The following SLC35D1 variants were observed in gnomAD, a reference collection of about 807,000 sequenced individuals.
SLC35D1 encodes nucleotide sugar transporter SLC35D1.
Under a neutral mutation model 46.7 loss-of-function variants are expected in SLC35D1, and 31 were observed. The observed-to-expected ratio is 0.66, with a 90% CI of 0.50 to 0.90. The LOEUF (loss-of-function observed/expected upper bound fraction) is 0.90, where lower values mean the gene tolerates loss of function less well. Ranked by LOEUF, SLC35D1 falls within the 40% of genes least tolerant of loss-of-function variation. The pLI is 0.00. For synonymous variants in SLC35D1, 195 were observed against 164.6 expected (o/e 1.18, Z -1.41); for missense variants, 397 against 426.2 (o/e 0.93, Z 0.60).
At chr1:67,013,679 C>CA (rs1162549880) in intron 10 of SLC35D1, among the ~76,000 whole-genome samples, 3 of 151,904 alleles carry the variant, frequency 2.0e-5, no homozygotes, top group Non-Finnish European at 2.9e-5. Flanking sequence ...TTAAGAAACA[C>CA]AAAAAAAGGT....
chr1:67,040,685 AT>A, intron 8 of SLC35D1, among the ~76,000 whole-genome samples: 1 of 152,288 alleles, frequency 6.6e-6, no homozygotes, highest in Admixed American at 6.5e-5. Context: ...CATTTAAAAA[AT>A]GCTAAGCACT....
the SLC35D1 span, among the ~76,000 whole-genome samples, chr1:66,978,349 A>ATT: frequency 6.6e-6 from 1 of 152,274 alleles, no homozygotes; most frequent in Non-Finnish European, 1.5e-5. Flanking sequence ...CCACAGTAAA[A>ATT]CAATCTGAAA....
intron 8 of SLC35D1, among the ~76,000 whole-genome samples, chr1:67,025,297 A>G (rs1667894445): frequency 6.6e-6 from 1 of 152,202 alleles, no homozygotes; most frequent in Admixed American, 6.5e-5. Context: ...TATTTTGCAT[A>G]CAGATGTCAA....
the SLC35D1 span, among the ~76,000 whole-genome samples, chr1:66,984,091 C>T: frequency 6.6e-6 from 1 of 152,176 alleles, no homozygotes; most frequent in Non-Finnish European, 1.5e-5. Context: ...TGACATCTTG[C>T]TTTTATATGG....
the SLC35D1 span, chr1:66,986,323 A>G: frequency 6.5e-7 from 1 of 1,539,274 alleles, no homozygotes; most frequent in Non-Finnish European, 8.7e-7. Context: ...TTGTTAAATA[A>G]TGTAGTTTTA....
chr1:67,040,679 T>C (rs966008510), intron 8 of SLC35D1, among the ~76,000 whole-genome samples: 1 of 152,190 alleles, frequency 6.6e-6, no homozygotes, highest in African/African-American at 2.4e-5. Flanking sequence ...TTTGCCCATT[T>C]AAAAAATGCT....
chr1:67,032,264 C>T (rs1337102397), intron 8 of SLC35D1, among the ~76,000 whole-genome samples: 1 of 152,136 alleles, frequency 6.6e-6, no homozygotes, highest in East Asian at 1.9e-4. Context: ...ATGGACCTAC[C>T]ACTACCTATA....
the SLC35D1 span, chr1:66,973,098 AAT>A: frequency 1.6e-6 from 1 of 611,522 alleles, no homozygotes. Context: ...TTTCATAATT[AAT>A]ATGACAATAT....
At chr1:66,981,189 C>T in the SLC35D1 span, among the ~76,000 whole-genome samples, 1 of 152,092 alleles carries the variant, frequency 6.6e-6, no homozygotes, top group Non-Finnish European at 1.5e-5. Flanking sequence ...ACCACAGTTA[C>T]GTAGTTCAGG....
chr1:66,988,154 C>T, the SLC35D1 span: 1 of 152,070 alleles, frequency 6.6e-6, no homozygotes, highest in East Asian at 1.9e-4. Flanking sequence ...GTAAGGTTTT[C>T]CCAACTATAA....
chr1:67,022,521 A>G (rs934405487), intron 8 of SLC35D1, among the ~76,000 whole-genome samples: 2 of 152,136 alleles, frequency 1.3e-5, no homozygotes, highest in African/African-American at 4.8e-5. Flanking sequence ...TTCCTGATCA[A>G]GTACTCCTTC....
At position 67,000,711 on chromosome 1, in the gene SLC35D1, C is replaced by T. The variant is rs892528360; in HGVS notation, c.*3629G>A. 1 of 152,116 alleles carries T rather than the reference C, an allele frequency of 6.6e-6. No homozygotes were observed. The highest frequency in any genetic ancestry group is 1.5e-5 in the Non-Finnish European group (1 of 68,014). The allele number at this position is 152,116 out of a possible 1,614,324, so 9.4% of individuals were successfully genotyped here. On this transcript the variant is annotated 3_prime_UTR_variant, in exon 12 of 12. Transcript: ENST00000235345. ...GTCTCATTTATTCCGAACTTTTTTC[C>T]TCAGGGAGAGAAAAATCAATTACAG...
intron 11 of SLC35D1, among the ~76,000 whole-genome samples, chr1:67,007,967 T>C (rs574486513): frequency 6.6e-5 from 10 of 152,216 alleles, no homozygotes; most frequent in Non-Finnish European, 1.0e-4. Context: ...TAAATATTCA[T>C]TTTTTAAAAG....
downstream of SLC35D1, among the ~76,000 whole-genome samples, chr1:66,996,751 G>A (rs1435780082): frequency 6.6e-6 from 1 of 152,164 alleles, no homozygotes; most frequent in Non-Finnish European, 1.5e-5. Flanking sequence ...CATCTATAGC[G>A]TTGCCCAATA....
At chr1:67,013,181 AT>A (rs1667611899) in intron 10 of SLC35D1, among the ~76,000 whole-genome samples, 1 of 6,220 alleles carries the variant, frequency 1.6e-4, no homozygotes, top group Non-Finnish European at 3.1e-4. Flanking sequence ...CTGTTCTTAA[AT>A]TTTTTTTCAG....
intron 10 of SLC35D1, among the ~76,000 whole-genome samples, chr1:67,015,958 C>T (rs1328273037): frequency 1.3e-5 from 2 of 151,886 alleles, no homozygotes; most frequent in Non-Finnish European, 2.9e-5. Context: ...CATATTTCCC[C>T]AAATCAAAAT....
chr1:66,977,061 GT>G, the SLC35D1 span, among the ~76,000 whole-genome samples: 1 of 151,406 alleles, frequency 6.6e-6, no homozygotes, highest in Non-Finnish European at 1.5e-5. Flanking sequence ...GTGAAAGCAT[GT>G]TTTTCTTAAA....
the SLC35D1 span, chr1:66,981,943 C>G: frequency 6.2e-7 from 1 of 1,611,120 alleles, no homozygotes; most frequent in African/African-American, 1.3e-5. Flanking sequence ...AAACATTTCT[C>G]TTTCTTCATA....
At chr1:66,990,028 TAA>T in the SLC35D1 span, among the ~76,000 whole-genome samples, 1 of 152,238 alleles carries the variant, frequency 6.6e-6, no homozygotes, top group Non-Finnish European at 1.5e-5. Context: ...CCAGTCATTC[TAA>T]GTGTATCCTT....
Sources: gnomAD v4.1 joint callset for allele counts (sites outside exome capture counted in the v4.1 genomes callset) on GRCh38, gnomAD v4.1.1 for gene constraint, MANE v1.5 for transcripts, NCBI Gene and HGNC (gene_info 2026-07-23, HGNC 2026-07-21) for gene names.